The following SIPA1 variants were observed in gnomAD, a reference collection of about 807,000 sequenced individuals.
SIPA1 encodes signal-induced proliferation-associated protein 1.
A neutral mutation model predicts 88.1 loss-of-function variants in SIPA1; 51 were observed. That is an observed-to-expected ratio of 0.58 (90% CI 0.46 to 0.73). The LOEUF (loss-of-function observed/expected upper bound fraction) is 0.73. Ranked by LOEUF, SIPA1 falls within the 30% of genes least tolerant of loss-of-function variation. The pLI is 0.00. For synonymous variants in SIPA1, 681 were observed against 664.8 expected, an observed-to-expected ratio of 1.02 and a Z score of -0.37; for missense variants, 1,348 against 1,467.6, an observed-to-expected ratio of 0.92 and a Z score of 1.33.
chr11:65,642,706 T>A lies in SIPA1; in HGVS notation c.984+67T>A. 1 of 1,394,780 alleles carries A rather than the reference T, an allele frequency of 7.2e-7. No individual in the cohort carries two copies. Among genetic ancestry groups the A allele is most frequent in the Non-Finnish European group, 9.5e-7 (1 of 1,057,100 alleles). The allele number at this position is 1,394,780 out of a possible 1,614,324, so 86.4% of individuals were successfully genotyped here. On this transcript the variant is annotated intron_variant, in intron 4 of 15. Transcript: ENST00000534313. The surrounding 1 kb of genome is among the most constrained non-coding windows in gnomAD (Gnocchi z 6.5). ...CCAGTCTGAACCCAGCCTGCCCAGC[T>A]CCCAAACCCCTAGCCTTGACCCTGA...
At position 65,642,112 on chromosome 11, in the gene SIPA1, G is replaced by A. The variant is rs1312674451; in HGVS notation, c.680-138G>A. The A allele has an allele frequency of 4.0e-6, 5 of 1,236,904 alleles. No homozygotes were observed. Among genetic ancestry groups the A allele is most frequent in the Non-Finnish European group, 5.6e-6 (5 of 893,284 alleles). 76.6% of individuals were successfully genotyped at this position (1,236,904 alleles called of 1,614,324 possible). On this transcript the variant is annotated intron_variant, in intron 2 of 15. Transcript: ENST00000534313. This position sits in a 1 kb window ranked among gnomAD's most constrained non-coding sequence, Gnocchi z 6.5. ...TCAAGATATTGAGCTCGGGGCTACAGAGGGGCGGGACTTAGTCTAGGGTCA... is the reference window on the plus strand; with the variant it reads ...TCAAGATATTGAGCTCGGGGCTACAAAGGGGCGGGACTTAGTCTAGGGTCA...
At position 65,646,369 on chromosome 11, in the gene SIPA1, C is replaced by T. The variant is rs1193334452; in HGVS notation, c.1412C>T (p.Thr471Ile). The T allele has an allele frequency of 1.9e-6, 3 of 1,611,318 alleles. No homozygotes were observed. Among genetic ancestry groups the T allele is most frequent in the Admixed American group, 1.7e-5 (1 of 60,022 alleles). The part of the protein sequence containing the change: ...VRAHTPCTPH[T>I]TYRVAVSRTQ... ...GCACACACACCCTGCACGCCACACA[C>T]CACCTACAGGTGGGCACCGGAGTGG... The change falls in exon 7 of 16, where the codon ACC (threonine) becomes ATC (isoleucine). Residue 471 changes from threonine (T) to isoleucine (I), a missense_variant. Around this residue, in one of 4 missense-constraint regions of SIPA1, gnomAD observed 641 missense variants for 797.7 expected, o/e 0.80. Coordinates refer to ENST00000534313, the MANE Select transcript of SIPA1 (RefSeq NM_006747.4). The surrounding 1 kb of genome is among the most constrained non-coding windows in gnomAD (Gnocchi z 7.5).
In SIPA1 at chr11:65,640,997, C is replaced by T. The variant is rs868419583; in HGVS notation, c.76C>T (p.Arg26Cys). 3.8e-6 allele frequency: 6 copies of T among 1,586,548 alleles called. No individual in the cohort carries two copies. Among genetic ancestry groups the T allele is most frequent in the African/African-American group, 1.3e-5 (1 of 74,732 alleles). The change falls in exon 2 of 16, where the codon CGC becomes TGC. Residue 26 changes from arginine to cysteine, a missense_variant. Physicochemically the swap from Arg to Cys is radical, Grantham distance 180. Coordinates refer to ENST00000534313, the MANE Select transcript of SIPA1 (RefSeq NM_006747.4). ...TGCGTCCACAGATGACCTCTTTGCC[C>T]GCAAGCTGCGCCAGCCAGCAAGGCC... The part of the protein sequence containing the change: ...APASTDDLFA[R>C]KLRQPARPPL...
At chr11:65,638,766 G>T (rs1565177678) in intron 1 of SIPA1, among the ~76,000 whole-genome samples, 1 of 152,256 alleles carries the variant, frequency 6.6e-6, no homozygotes, top group African/African-American at 2.4e-5. Context: ...TGAAGCTTCA[G>T]GGTGGGGGGC....
chr11:65,649,989 G>A lies in SIPA1; in HGVS notation c.2786G>A (p.Trp929Ter), dbSNP rs1856228899. The change falls in exon 13 of 16, where the codon TGG becomes TAG. Residue 929 changes from tryptophan (W) to a stop codon, truncating the protein, a stop_gained. Coordinates refer to ENST00000534313, the MANE Select transcript of SIPA1 (RefSeq NM_006747.4). LOFTEE classifies it high-confidence loss of function. ...EAGSGTLEDE[W>*]QAISEIASTC... ...GGCAGTGGGACCCTGGAGGACGAGT[G>A]GCAGGCCATCTCGGAGATTGCCTCT... 6 of 1,613,878 alleles carry A rather than the reference G, an allele frequency of 3.7e-6. No individual in the cohort carries two copies. Among genetic ancestry groups the A allele is most frequent in the Admixed American group, 1.7e-5 (1 of 59,994 alleles).
intron 9 of SIPA1, 112 bp from the exon 10 acceptor site, chr11:65,649,150 G>A: frequency 1.4e-6 from 1 of 734,142 alleles, no homozygotes; most frequent in Non-Finnish European, 2.2e-6. Flanking sequence ...TTGTCAGGAT[G>A]CCGGGGAGCT....
intron 1 of SIPA1, among the ~76,000 whole-genome samples, chr11:65,639,443 C>A (rs1280222977): frequency 6.6e-6 from 1 of 152,210 alleles, no homozygotes; most frequent in Non-Finnish European, 1.5e-5. Flanking sequence ...AAAACAGAGG[C>A]TCAAGGTCAG....
chr11:65,650,213 C>T lies in SIPA1; in HGVS notation c.2903+21C>T, dbSNP rs751422283. 7 of 1,613,412 alleles carry T rather than the reference C, an allele frequency of 4.3e-6. No homozygotes were observed. In the South Asian group the frequency reaches 7.7e-5, roughly 18 times the overall value. On this transcript the variant is annotated intron_variant, in intron 14 of 15. Coordinates refer to ENST00000534313, the MANE Select transcript of SIPA1 (RefSeq NM_006747.4). Reference sequence around the variant, plus strand: ...GCTGAGTAAGCTCCCCAACTCCCCACAGCCGCTTTACCTGCCCACATGACC... The same window carrying T: ...GCTGAGTAAGCTCCCCAACTCCCCATAGCCGCTTTACCTGCCCACATGACC...
chr11:65,641,691 T>C, intron 2 of SIPA1, 91 bp downstream of exon 2: 1 of 1,205,412 alleles, frequency 8.3e-7, no homozygotes. Flanking sequence ...TCATGAACTG[T>C]CCATTTCCTG....
In SIPA1 at chr11:65,641,172, C is replaced by T. The variant is rs2135507697; in HGVS notation, c.251C>T (p.Thr84Ile). ...SHEEASRPAA[T>I]STRLFTDPLA... The stretch of plus-strand genomic sequence containing the variant: ...GAAGAGGCCAGCCGACCTGCAGCCA[C>T]TTCCACCCGGCTCTTCACTGACCCG... The change falls in exon 2 of 16, where the codon ACT (threonine) becomes ATT (isoleucine). Residue 84 changes from threonine to isoleucine, a missense_variant. Thr to Ile is a moderately conservative substitution (Grantham distance 89). Coordinates refer to ENST00000534313, the MANE Select transcript of SIPA1 (RefSeq NM_006747.4). The T allele has an allele frequency of 6.2e-7, 1 of 1,609,396 alleles. No homozygotes were observed. The highest frequency in any genetic ancestry group is 8.5e-7 in the Non-Finnish European group (1 of 1,179,964).
Position 65,649,545 on chromosome 11 carries a change from C to A in SIPA1, c.2526-16C>A. On this transcript the variant is annotated splice_polypyrimidine_tract_variant and intron_variant, in intron 10 of 15. Transcript: ENST00000534313. ...GAAAGCGGCTTCCCTTTCTGAGCCACCCCTGCTCTCCCCAGCTCTCTGTCG... is the reference window on the plus strand; with the variant it reads ...GAAAGCGGCTTCCCTTTCTGAGCCAACCCTGCTCTCCCCAGCTCTCTGTCG... 1.2e-6 allele frequency: 2 copies of A among 1,614,128 alleles called. No individual in the cohort carries two copies. The highest frequency in any genetic ancestry group is 1.7e-6 in the Non-Finnish European group (2 of 1,180,014).
Position 65,650,615 on chromosome 11 carries a change from GAC to G in SIPA1, c.3033_3034del (p.His1011GlnfsTer10). On this transcript the variant is annotated frameshift_variant, in exon 16 of 16. Coordinates refer to ENST00000534313, the MANE Select transcript of SIPA1 (RefSeq NM_006747.4). LOFTEE classifies it high-confidence loss of function. ...CTGGAGGAGGAGGTGCGGAGCCTGA[GAC>G]ACAACAACCGGCGGCTGCAGGCGGA... The G allele has an allele frequency of 6.3e-7, 1 of 1,583,554 alleles. No homozygotes were observed. The highest frequency in any genetic ancestry group is 8.6e-7 in the Non-Finnish European group (1 of 1,164,594).
rs1362202391 is a variant in SIPA1, at chr11:65,649,345, G to A, written c.2390G>A (p.Gly797Glu). 1.3e-6 allele frequency: 2 copies of A among 1,562,156 alleles called. No homozygotes were observed. The highest frequency in any genetic ancestry group is 1.2e-5 in the South Asian group (1 of 85,202). The stretch of plus-strand genomic sequence containing the variant: ...GATCCTGTGCAGGATGAGGTCCAGG[G>A]GGTGACCCTGCTGCCCACCACAAAG... ...APDPVQDEVQ[G>E]VTLLPTTKQL... Residue 797 changes from glycine (G) to glutamate (E), a missense_variant, in exon 10 of 16, where the codon GGG (glycine) becomes GAG (glutamate). By Grantham distance (98) the Gly-to-Glu change is moderately conservative. Around this residue, in one of 4 missense-constraint regions of SIPA1, gnomAD observed 615 missense variants for 559.8 expected, o/e 1.10. Coordinates refer to ENST00000534313, the MANE Select transcript of SIPA1 (RefSeq NM_006747.4).
rs1565183694 is a variant in SIPA1 at position 65,649,542 on chromosome 11, C to CT, written c.2526-19_2526-18insT. 6.2e-7 allele frequency: 1 copy of CT among 1,614,046 alleles called. No homozygotes were observed. The highest frequency in any genetic ancestry group is 1.1e-5 in the South Asian group (1 of 91,084). The stretch of plus-strand genomic sequence containing the variant: ...TGGGAAAGCGGCTTCCCTTTCTGAG[C>CT]CACCCCTGCTCTCCCCAGCTCTCTG... On this transcript the variant is annotated intron_variant, in intron 10 of 15. Transcript: ENST00000534313.
At position 65,646,004 on chromosome 11, in the gene SIPA1, G is replaced by GT. The variant is rs1856105336; in HGVS notation, c.1263+47_1263+48insT. 1 of 1,460,448 alleles carries GT rather than the reference G, an allele frequency of 6.8e-7. No homozygotes were observed. The highest frequency in any genetic ancestry group is 2.4e-5 in the East Asian group (1 of 42,506). 90.5% of individuals were successfully genotyped at this position (1,460,448 alleles called of 1,614,324 possible). A position where few individuals can be genotyped will look rare whatever the true frequency, so the allele number is the denominator to read the frequency against. On this transcript the variant is annotated intron_variant, in intron 6 of 15. Transcript: ENST00000534313. The surrounding 1 kb of genome is among the most constrained non-coding windows in gnomAD (Gnocchi z 7.5). ...GGGTGGGGCTTCCGGGAACCATGGA[G>GT]GGCCCTGCATGGCCCATGACGTTTG...
chr11:65,642,497 C>G lies in SIPA1; in HGVS notation c.842C>G (p.Ala281Gly). The change falls in exon 4 of 16, where the codon GCG becomes GGG. Residue 281 changes from alanine (A) to glycine (G), a missense_variant. Physicochemically the swap from Ala to Gly is moderately conservative, Grantham distance 60. This residue lies in a region of SIPA1 where 641 missense variants were observed against 797.7 expected (regional missense o/e 0.80). Transcript: ENST00000534313. The surrounding 1 kb of genome is among the most constrained non-coding windows in gnomAD (Gnocchi z 6.5). ...RTLRGTISED[A>G]LPPGPPRGLS... Reference sequence around the variant, plus strand: ...CTCCGTGGCACCATCTCGGAGGACGCGCTGCCGCCGGGGCCCCCACGGGGT... The same window carrying G: ...CTCCGTGGCACCATCTCGGAGGACGGGCTGCCGCCGGGGCCCCCACGGGGT... The G allele has an allele frequency of 6.2e-7, 1 of 1,610,990 alleles. No homozygotes were observed. The highest frequency in any genetic ancestry group is 8.5e-7 in the Non-Finnish European group (1 of 1,179,538).
Position 65,649,739 on chromosome 11 carries a change from T to C in SIPA1, c.2638-18T>C. On this transcript the variant is annotated intron_variant, in intron 11 of 15. Coordinates refer to ENST00000534313, the MANE Select transcript of SIPA1 (RefSeq NM_006747.4). ...GACAGTGGGCATCACTGAATCTGTATCCACTTCTGTGGCACAGGACAGGCC... is the reference window on the plus strand; with the variant it reads ...GACAGTGGGCATCACTGAATCTGTACCCACTTCTGTGGCACAGGACAGGCC... 6.2e-7 allele frequency: 1 copy of C among 1,614,042 alleles called. No homozygotes were observed. The highest frequency in any genetic ancestry group is 2.2e-5 in the East Asian group (1 of 44,890).
Position 65,641,382 on chromosome 11 carries a change from C to G in SIPA1, c.461C>G (p.Ala154Gly). 1 of 1,613,192 alleles carries G rather than the reference C, an allele frequency of 6.2e-7. No individual in the cohort carries two copies. The highest frequency in any genetic ancestry group is 8.5e-7 in the Non-Finnish European group (1 of 1,180,016). The change falls in exon 2 of 16, where the codon GCC becomes GGC. Residue 154 changes from alanine (A) to glycine (G), a missense_variant. This residue lies in a region of SIPA1 where 641 missense variants were observed against 797.7 expected (regional missense o/e 0.80). Transcript: ENST00000534313. ...CTGGCTTCAGCCGAGGACCAGGCTG[C>G]CAGCTCGGACCTGCTGCATGGGGCA... is the stretch of plus-strand genomic sequence containing the variant. ...GTLASAEDQA[A>G]SSDLLHGAPG...
Position 65,644,948 on chromosome 11 carries a change from C to T in SIPA1, c.985-7C>T, listed in dbSNP as rs1856077920. ...TGAGACCTATGCCTTCTGTCTCCCA[C>T]CCACAGCTGAGCTTCCAACGCAAGG... On this transcript the variant is annotated splice_region_variant and splice_polypyrimidine_tract_variant and intron_variant, in intron 4 of 15. Transcript: ENST00000534313. The T allele has an allele frequency of 6.2e-7, 1 of 1,609,840 alleles. No homozygotes were observed.
Sources: gnomAD v4.1 joint callset for allele counts (sites outside exome capture counted in the v4.1 genomes callset) on GRCh38, gnomAD v4.1.1 for gene constraint, gnomAD v4.1.1 regional missense constraint, Gnocchi (gnomAD v3.1) non-coding constraint, MANE v1.5 for transcripts, NCBI Gene and HGNC (gene_info 2026-07-23, HGNC 2026-07-21) for gene names.